Variants in AP1G1 observed in about 807,000 individuals in gnomAD.
AP1G1 encodes the protein AP-1 complex subunit gamma-1.
Under a neutral mutation model 108.3 loss-of-function variants are expected in AP1G1, and 7 were observed. The observed-to-expected ratio is 0.06, with a 90% CI of 0.04 to 0.12. The LOEUF (loss-of-function observed/expected upper bound fraction) is 0.12. Ranked by LOEUF, AP1G1 falls within the 10% of genes least tolerant of loss-of-function variation. The pLI, the probability that AP1G1 is intolerant of heterozygous loss-of-function variation, is 1.00. For synonymous variants in AP1G1, 379 were observed against 353.5 expected (o/e 1.07, Z -0.81); for missense variants, 756 against 1,010.7 (o/e 0.75, Z 3.42).
chr16:71,788,962 C>T (rs2032305480), intron 2 of AP1G1, among the ~76,000 whole-genome samples: 1 of 152,118 alleles, frequency 6.6e-6, no homozygotes, highest in African/African-American at 2.4e-5. Context: ...CAGCAAGAAA[C>T]ATTTTCTTAA....
chr16:71,754,374 AGAAAG>A (rs2030669033), intron 12 of AP1G1, among the ~76,000 whole-genome samples: 1 of 152,048 alleles, frequency 6.6e-6, no homozygotes, highest in Non-Finnish European at 1.5e-5. Flanking sequence ...GGAAAGGAAA[AGAAAG>A]GAAAAGAAAA....
intron 16 of AP1G1, among the ~76,000 whole-genome samples, chr16:71,748,028 C>A (rs964951816): frequency 2.0e-5 from 3 of 152,112 alleles, no homozygotes; most frequent in Non-Finnish European, 4.4e-5. Flanking sequence ...CAAAATAATC[C>A]ACAAGGGAGT....
chr16:71,736,610 G>A (rs749281287), intron 21 of AP1G1, among the ~76,000 whole-genome samples: 6 of 143,568 alleles, frequency 4.2e-5, no homozygotes, highest in South Asian at 4.3e-4. Flanking sequence ...TTTTTGAGAC[G>A]AGTCTCGCTC....
chr16:71,736,120 ATATAT>A (rs1567638692), intron 21 of AP1G1, among the ~76,000 whole-genome samples: 5,025 of 72,288 alleles, frequency 0.07, 388 homozygotes, highest in Middle Eastern at 0.094. Flanking sequence ...AAAAAAAAAT[ATATAT>A]ATATATATAT....
At chr16:71,768,500 C>A (rs373536890) in intron 6 of AP1G1, among the ~76,000 whole-genome samples, 307 of 83,674 alleles carry the variant, frequency 3.7e-3, no homozygotes, top group South Asian at 0.012. Flanking sequence ...GACTCCGCCA[C>A]AAAAAAAAAA....
chr16:71,775,324 G>A (rs774405851), intron 2 of AP1G1, among the ~76,000 whole-genome samples: 1 of 151,994 alleles, frequency 6.6e-6, no homozygotes, highest in Non-Finnish European at 1.5e-5. Context: ...GAGCCACCGC[G>A]CCCGGCCAAA....
intron 1 of AP1G1, among the ~76,000 whole-genome samples, chr16:71,804,917 A>G (rs1461219376): frequency 6.6e-6 from 1 of 152,134 alleles, no homozygotes; most frequent in Non-Finnish European, 1.5e-5. Context: ...CTGAAGTGGG[A>G]GGATCACTTG....
intron 16 of AP1G1, chr16:71,746,953 A>C: frequency 3.3e-6 from 1 of 299,620 alleles, no homozygotes; most frequent in South Asian, 4.5e-5. Context: ...GTGTGGAAAA[A>C]ACACATATAT....
At position 71,752,163 on chromosome 16, in the gene AP1G1, T is replaced by C. The variant is rs562148178; in HGVS notation, c.1284+1670A>G. Among the ~76,000 whole-genome samples the C allele has an allele frequency of 1.7e-3, 259 of 152,220 alleles. 1 individual carries two copies. The highest frequency in any genetic ancestry group is 4.3e-3 in the African/African-American group (179 of 41,570). On this transcript the variant is annotated intron_variant, in intron 13 of 22. Coordinates refer to ENST00000299980, the MANE Select transcript of AP1G1 (RefSeq NM_001128.6). ...TGATCATAAGAGAACACAAGTCAGT[T>C]AGAAAAATAAAATCAGGGGCACAAA...
intron 1 of AP1G1, 159 bp downstream of exon 1, chr16:71,808,604 C>T (rs2033082536): frequency 7.8e-7 from 1 of 1,289,578 alleles, no homozygotes; most frequent in Non-Finnish European, 1.0e-6. Flanking sequence ...GCCCCTGGGG[C>T]TCCCGGCCTC....
At chr16:71,751,148 C>A (rs1176609093) in intron 13 of AP1G1, 1 of 139,664 alleles carries the variant, frequency 7.2e-6, no homozygotes, top group East Asian at 2.0e-4. Context: ...GACTGAGACT[C>A]CGTCTCAAAA....
At chr16:71,781,088 G>C (rs964417372) in intron 2 of AP1G1, among the ~76,000 whole-genome samples, 2 of 152,114 alleles carry the variant, frequency 1.3e-5, no homozygotes, top group East Asian at 1.9e-4. Context: ...AAAGTGCTGG[G>C]ATTATAGGCA....
chr16:71,745,230 G>A lies in AP1G1; in HGVS notation c.1913C>T (p.Thr638Ile). The A allele has an allele frequency of 6.2e-7, 1 of 1,614,156 alleles. No homozygotes were observed. Among genetic ancestry groups the A allele is most frequent in the Non-Finnish European group, 8.5e-7 (1 of 1,180,032 alleles). ...LLDLLGGNDI[T>I]PVIPTAPTSK... Reference sequence around the variant, plus strand: ...TGTAGGCGCAGTTGGAATAACAGGTGTTATGTCATTTCCTCCCAACAAATC... The same window carrying A: ...TGTAGGCGCAGTTGGAATAACAGGTATTATGTCATTTCCTCCCAACAAATC... The change falls in exon 19 of 23, where the codon ACA (threonine) becomes ATA (isoleucine). Residue 638 changes from threonine (T) to isoleucine (I), a missense_variant. Coordinates refer to ENST00000299980, the MANE Select transcript of AP1G1 (RefSeq NM_001128.6).
intron 6 of AP1G1, chr16:71,767,863 G>A: frequency 6.3e-7 from 1 of 1,598,678 alleles, no homozygotes; most frequent in East Asian, 2.2e-5. Flanking sequence ...ATCTAAAAGA[G>A]GGTTAATTCT....
chr16:71,798,580 ATAAGAT>A (rs1258942639), intron 1 of AP1G1, among the ~76,000 whole-genome samples: 1 of 151,764 alleles, frequency 6.6e-6, no homozygotes, highest in Admixed American at 6.6e-5. Flanking sequence ...TGTGACATAA[ATAAGAT>A]TAAAAGATAA....
chr16:71,783,470 T>C (rs551561020), intron 2 of AP1G1, among the ~76,000 whole-genome samples: 2 of 152,194 alleles, frequency 1.3e-5, no homozygotes, highest in Admixed American at 1.3e-4. Flanking sequence ...AAACAAGAGC[T>C]CTAAAGAACC....
At chr16:71,781,582 T>C (rs1189446142) in intron 2 of AP1G1, among the ~76,000 whole-genome samples, 1 of 152,180 alleles carries the variant, frequency 6.6e-6, no homozygotes, top group African/African-American at 2.4e-5. Flanking sequence ...TGGTTTTAAA[T>C]GTTTTAAACT....
At chr16:71,756,464 T>C (rs1389621652) in intron 11 of AP1G1, 1 of 250,506 alleles carries the variant, frequency 4.0e-6, no homozygotes, top group African/African-American at 2.2e-5. Context: ...GAAGTTAGAA[T>C]ACCTGAGAGT....
chr16:71,755,697 G>C (rs1438026000), intron 12 of AP1G1, among the ~76,000 whole-genome samples: 1 of 151,820 alleles, frequency 6.6e-6, no homozygotes, highest in Non-Finnish European at 1.5e-5. Flanking sequence ...CTAGGCTGGA[G>C]TGCAGTGGCA....
Sources: allele counts gnomAD v4.1 joint callset (sites outside exome capture counted in the v4.1 genomes callset), GRCh38; gene constraint gnomAD v4.1.1; transcripts MANE v1.5; gene names NCBI Gene and HGNC (gene_info 2026-07-23, HGNC 2026-07-21).